RAPH1: variants seen among roughly 807,000 people sequenced by gnomAD.
The protein encoded by RAPH1 is Ras association (RalGDS/AF-6) and pleckstrin homology domains 1.
Under a neutral mutation model 88.1 loss-of-function variants are expected in RAPH1, and 18 were observed. The observed-to-expected ratio is 0.20, with a 90% CI of 0.14 to 0.30. The LOEUF is 0.30. RAPH1 is among the 10% of genes least tolerant of loss of function. The pLI is 1.00. For synonymous variants in RAPH1, 587 were observed against 559.0 expected (o/e 1.05, Z -0.71); for missense variants, 1,448 against 1,543.2 (o/e 0.94, Z 1.03).
chr2:203,511,854 G>A (rs574344279), intron 1 of RAPH1, among the ~76,000 whole-genome samples: 1 of 152,284 alleles, frequency 6.6e-6, no homozygotes, highest in East Asian at 1.9e-4. Context: ...GCTCATGCCT[G>A]TAATCCCAGC....
chr2:203,473,652 G>A (rs1194752747), intron 4 of RAPH1, among the ~76,000 whole-genome samples: 2 of 151,984 alleles, frequency 1.3e-5, no homozygotes, highest in Non-Finnish European at 2.9e-5. Flanking sequence ...ATTCTGTTTA[G>A]AAATATATTT....
chr2:203,491,798 A>G (rs561581267), intron 2 of RAPH1, among the ~76,000 whole-genome samples: 1 of 152,334 alleles, frequency 6.6e-6, no homozygotes, highest in African/African-American at 2.4e-5. Context: ...GTGAGCCACC[A>G]TATCTGGCCT....
intron 4 of RAPH1, among the ~76,000 whole-genome samples, chr2:203,477,672 A>G (rs1269099986): frequency 2.0e-5 from 3 of 152,082 alleles, no homozygotes; most frequent in African/African-American, 7.2e-5. Flanking sequence ...CCATATTTTT[A>G]TCCTCCCCTC....
intron 10 of RAPH1, 22 bp downstream of exon 10, chr2:203,454,408 C>A: frequency 6.6e-7 from 1 of 1,520,182 alleles, no homozygotes; most frequent in African/African-American, 1.4e-5. Flanking sequence ...ATTAAAATTC[C>A]TAAAAAGAAA....
At chr2:203,452,013 T>C (rs1307236900) in intron 10 of RAPH1, among the ~76,000 whole-genome samples, 2 of 152,162 alleles carry the variant, frequency 1.3e-5, no homozygotes, top group Non-Finnish European at 2.9e-5. Context: ...ATGTGATGCA[T>C]AGAACTGCAG....
intron 4 of RAPH1, among the ~76,000 whole-genome samples, chr2:203,466,543 C>T (rs938404781): frequency 6.6e-6 from 1 of 152,180 alleles, no homozygotes; most frequent in Non-Finnish European, 1.5e-5. Flanking sequence ...TCAATGTTTA[C>T]AGCCCAAGTT....
intron 4 of RAPH1, among the ~76,000 whole-genome samples, chr2:203,485,825 C>G (rs1687941523): frequency 6.6e-6 from 1 of 152,042 alleles, no homozygotes; most frequent in Non-Finnish European, 1.5e-5. Flanking sequence ...GCCAGGGATG[C>G]TGCTAAACAT....
At chr2:203,517,793 AG>A (rs1329380336) in intron 1 of RAPH1, among the ~76,000 whole-genome samples, 2 of 152,246 alleles carry the variant, frequency 1.3e-5, no homozygotes, top group Non-Finnish European at 2.9e-5. Flanking sequence ...AAATCTCAAA[AG>A]AAATTTTAAA....
intron 10 of RAPH1, among the ~76,000 whole-genome samples, chr2:203,453,225 C>A (rs2098516288): frequency 6.6e-6 from 1 of 152,068 alleles, no homozygotes; most frequent in South Asian, 2.1e-4. Context: ...CAGTGGTGTT[C>A]CCCAAAAACA....
intron 7 of RAPH1, 126 bp downstream of exon 7, chr2:203,459,781 T>C (rs939268546): frequency 2.3e-5 from 22 of 950,392 alleles, no homozygotes; most frequent in Middle Eastern, 4.5e-4. Flanking sequence ...GATGCTCCTA[T>C]AGGATTTTGC....
intron 1 of RAPH1, among the ~76,000 whole-genome samples, chr2:203,506,821 T>TAG (rs1559494566): frequency 1.6e-5 from 1 of 62,620 alleles, no homozygotes; most frequent in African/African-American, 8.6e-5. Flanking sequence ...TCTATATATC[T>TAG]ATATATATAT....
rs181563850 is a variant in RAPH1 at position 203,448,993 on chromosome 2, G to A, written c.1414-157C>T. Among the ~76,000 whole-genome samples, 207 of 152,308 alleles carry A rather than the reference G, an allele frequency of 1.4e-3. No individual in the cohort carries two copies. The highest frequency in any genetic ancestry group is 4.8e-3 in the African/African-American group (198 of 41,564). The stretch of plus-strand genomic sequence containing the variant: ...TATGGCCATAAGGCCAAATAAAGTA[G>A]CCCATAAGAATTTTTACAAAGTAAA... On this transcript the variant is annotated intron_variant, in intron 10 of 13. Coordinates refer to ENST00000319170, the MANE Select transcript of RAPH1 (RefSeq NM_213589.3). The surrounding 1 kb of genome is among the most constrained non-coding windows in gnomAD (Gnocchi z 4.1).
chr2:203,491,390 T>G (rs1207129058), intron 2 of RAPH1, 71 bp from the exon 3 acceptor site: 1 of 1,076,766 alleles, frequency 9.3e-7, no homozygotes, highest in Non-Finnish European at 1.3e-6. Context: ...ATGAAGTTTG[T>G]TTTATGATTA....
At position 203,447,705 on chromosome 2, in the gene RAPH1, AT is replaced by A. The variant is rs2098511206; in HGVS notation, c.1633+253del. The A allele has an allele frequency of 1.8e-5, 5 of 279,368 alleles. No individual in the cohort carries two copies. The East Asian group carries it at 3.4e-4, about 19-fold the overall frequency. The allele number at this position is 279,368 out of a possible 1,614,324, so 17.3% of individuals were successfully genotyped here. A position where few individuals can be genotyped will look rare whatever the true frequency, so the allele number is the denominator to read the frequency against. ...CCAGCAGTATGTATGTTTTGAATAAATTTTATAAATATAAATAACAAAACTG... is the reference window on the plus strand; with the variant it reads ...CCAGCAGTATGTATGTTTTGAATAAATTTATAAATATAAATAACAAAACTG... On this transcript the variant is annotated intron_variant, in intron 12 of 13. Transcript: ENST00000319170.
intron 1 of RAPH1, among the ~76,000 whole-genome samples, chr2:203,505,125 C>G (rs1345750369): frequency 6.6e-6 from 1 of 152,194 alleles, no homozygotes; most frequent in Non-Finnish European, 1.5e-5. Flanking sequence ...AAAGACACTT[C>G]TACGTTTTTG....
chr2:203,521,834 C>T (rs1014091987), intron 1 of RAPH1, among the ~76,000 whole-genome samples: 1 of 152,032 alleles, frequency 6.6e-6, no homozygotes, highest in Non-Finnish European at 1.5e-5. Flanking sequence ...AATGTACACA[C>T]ACATATGAGG....
At position 203,438,521 on chromosome 2, in the gene RAPH1, T is replaced by C. The variant is rs992147501; in HGVS notation, c.*916A>G. ...CCAAAGACATACTGGGACAGAACAT[T>C]ACAGAGATAACTGTGTTATCCATCC... is the stretch of plus-strand genomic sequence containing the variant. On this transcript the variant is annotated 3_prime_UTR_variant, in exon 14 of 14. Coordinates refer to ENST00000319170, the MANE Select transcript of RAPH1 (RefSeq NM_213589.3). 4.9e-6 allele frequency: 1 copy of C among 205,720 alleles called. No individual in the cohort carries two copies. The highest frequency in any genetic ancestry group is 2.4e-5 in the African/African-American group (1 of 42,468). 12.7% of individuals were successfully genotyped at this position (205,720 alleles called of 1,614,324 possible).
intron 1 of RAPH1, among the ~76,000 whole-genome samples, chr2:203,506,161 C>T (rs996135847): frequency 5.9e-5 from 9 of 152,126 alleles, no homozygotes; most frequent in Admixed American, 1.3e-4. Context: ...AACAAATAGA[C>T]GTAGCCTATA....
Position 203,489,809 on chromosome 2 carries a change from C to A in RAPH1, c.507G>T (p.Glu169Asp). The A allele has an allele frequency of 1.2e-6, 2 of 1,614,170 alleles. No individual in the cohort carries two copies. The highest frequency in any genetic ancestry group is 1.7e-6 in the Non-Finnish European group (2 of 1,180,026). The change falls in exon 4 of 14, where the codon GAG (glutamate) becomes GAT (aspartate). Residue 169 changes from glutamate to aspartate, a missense_variant. By Grantham distance (45) the Glu-to-Asp change is conservative. Around this residue, in one of 2 missense-constraint regions of RAPH1, gnomAD observed 513 missense variants for 653.1 expected, o/e 0.79. Transcript: ENST00000319170. ...QLEQASLSMD[E>D]AAQQSVLEDT... Reference sequence around the variant, plus strand: ...CTTCTAGTACAGATTGCTGAGCAGCCTCATCCATACTCAAAGAGGCCTGTT... The same window carrying A: ...CTTCTAGTACAGATTGCTGAGCAGCATCATCCATACTCAAAGAGGCCTGTT...
Sources: gnomAD v4.1 joint callset for allele counts (sites outside exome capture counted in the v4.1 genomes callset) on GRCh38, gnomAD v4.1.1 for gene constraint, gnomAD v4.1.1 regional missense constraint, Gnocchi (gnomAD v3.1) non-coding constraint, MANE v1.5 for transcripts, NCBI Gene and HGNC (gene_info 2026-07-23, HGNC 2026-07-21) for gene names.